Variants in RBFOX1 observed in about 807,000 individuals in gnomAD.
RBFOX1 encodes the protein RNA binding fox-1 homolog 1.
Under a neutral mutation model 57.7 loss-of-function variants are expected in RBFOX1, and 8 were observed. The observed-to-expected ratio is 0.14, with a 90% CI of 0.08 to 0.25. The LOEUF (loss-of-function observed/expected upper bound fraction) is 0.25, where lower values mean the gene tolerates loss of function less well. Among genes scored for constraint, RBFOX1 ranks in the 10% least tolerant of loss-of-function variants. RBFOX1 has a pLI of 1.00. For missense variants in RBFOX1, 611 were observed against 548.5 expected (o/e 1.11, Z -1.14); for synonymous variants, 326 against 222.4 (o/e 1.47, Z -4.15).
chr16:7,458,221 C>T (rs1419541293), intron 4 of RBFOX1, among the ~76,000 whole-genome samples: 3 of 152,154 alleles, frequency 2.0e-5, no homozygotes, highest in African/African-American at 7.2e-5. Context: ...CTCTCTGGAG[C>T]CCTAAGTGTG....
chr16:5,861,260 A>T lies in RBFOX1; in HGVS notation c.319-6043A>T, dbSNP rs1480254573. Among the ~76,000 whole-genome samples, 3 of 152,280 alleles carry T rather than the reference A, an allele frequency of 2.0e-5. No homozygotes were observed. The South Asian group carries it at 6.2e-4, about 32-fold the overall frequency. On this transcript the variant is annotated intron_variant, in intron 3 of 19. Transcript: ENST00000641259. ...AGAACCATCTTCTCCCCTTTGATAC[A>T]CGGTTGGCTACATGCTTACACCCCC...
intron 4 of RBFOX1, among the ~76,000 whole-genome samples, chr16:7,404,902 A>G (rs974669830): frequency 6.6e-6 from 1 of 151,814 alleles, no homozygotes; most frequent in African/African-American, 2.4e-5. Flanking sequence ...GGGTCAATGG[A>G]TTTTATTTCC....
chr16:6,212,600 G>C (rs2097305668), intron 1 of RBFOX1, among the ~76,000 whole-genome samples: 1 of 152,068 alleles, frequency 6.6e-6, no homozygotes, highest in Non-Finnish European at 1.5e-5. Context: ...CCAGCTACTT[G>C]GGAGGCTGAG....
chr16:7,124,305 T>C (rs551810781), intron 4 of RBFOX1, among the ~76,000 whole-genome samples: 6 of 152,130 alleles, frequency 3.9e-5, no homozygotes, highest in African/African-American at 1.2e-4. Context: ...TTCTAGCTAC[T>C]CAGGAGACTG....
chr16:6,479,537 G>A (rs2095336715), intron 2 of RBFOX1, among the ~76,000 whole-genome samples: 2 of 151,932 alleles, frequency 1.3e-5, no homozygotes, highest in Admixed American at 1.3e-4. Context: ...GCAGTGAGCT[G>A]AGATCATGCC....
At chr16:7,025,881 T>A (rs1042818530) in intron 3 of RBFOX1, among the ~76,000 whole-genome samples, 2 of 152,022 alleles carry the variant, frequency 1.3e-5, no homozygotes, top group Non-Finnish European at 2.9e-5. Context: ...ATGAGCTGCT[T>A]AATAGTACAG....
intron 3 of RBFOX1, among the ~76,000 whole-genome samples, chr16:5,809,077 A>G (rs1415427030): frequency 6.6e-6 from 1 of 152,200 alleles, no homozygotes; most frequent in Admixed American, 6.5e-5. Context: ...TGGGGAAAGG[A>G]TTCCCTACTT....
chr16:6,637,534 G>C, intron 2 of RBFOX1, among the ~76,000 whole-genome samples: 1 of 19,768 alleles, frequency 5.1e-5, no homozygotes, highest in East Asian at 2.8e-3. Flanking sequence ...ATTCTGTATA[G>C]TATATACAAT....
chr16:7,269,043 CAAAAAAA>C (rs56297510), intron 4 of RBFOX1, among the ~76,000 whole-genome samples: 41 of 52,294 alleles, frequency 7.8e-4, no homozygotes, highest in African/African-American at 2.0e-3. Context: ...TCTTCCATCT[CAAAAAAA>C]AAAAAAAAAA....
At chr16:6,789,546 C>G (rs1025675006) in intron 3 of RBFOX1, among the ~76,000 whole-genome samples, 2 of 152,176 alleles carry the variant, frequency 1.3e-5, no homozygotes, top group African/African-American at 4.8e-5. Flanking sequence ...CAAATTATTG[C>G]ACTCAATAGG....
intron 3 of RBFOX1, among the ~76,000 whole-genome samples, chr16:6,908,329 G>A (rs1478791171): frequency 1.3e-5 from 2 of 151,680 alleles, no homozygotes; most frequent in South Asian, 2.1e-4. Context: ...GGCCTGTCTT[G>A]TTCATCCAAG....
intron 4 of RBFOX1, among the ~76,000 whole-genome samples, chr16:7,276,793 C>G (rs959250653): frequency 1.3e-5 from 2 of 152,106 alleles, no homozygotes; most frequent in Admixed American, 1.3e-4. Flanking sequence ...ATTATGCTAC[C>G]AAAAATGTTC....
intron 2 of RBFOX1, among the ~76,000 whole-genome samples, chr16:6,493,541 T>C (rs1310886502): frequency 2.6e-5 from 4 of 152,208 alleles, no homozygotes; most frequent in African/African-American, 7.2e-5. Flanking sequence ...GCAAGCCACA[T>C]GAATAGCTGT....
intron 1 of RBFOX1, among the ~76,000 whole-genome samples, chr16:6,271,880 A>C (rs1160303760): frequency 6.6e-6 from 1 of 152,170 alleles, no homozygotes; most frequent in East Asian, 1.9e-4. Flanking sequence ...AGAATGAAGC[A>C]TTAACACCAA....
intron 3 of RBFOX1, among the ~76,000 whole-genome samples, chr16:6,827,233 A>T (rs974661119): frequency 6.6e-6 from 1 of 151,110 alleles, no homozygotes; most frequent in African/African-American, 2.4e-5. Flanking sequence ...CTTTAATCTC[A>T]TTTTCTCCTA....
chr16:7,281,611 C>T (rs919971537), intron 4 of RBFOX1, among the ~76,000 whole-genome samples: 2 of 152,080 alleles, frequency 1.3e-5, no homozygotes, highest in Admixed American at 1.3e-4. Context: ...AGAAAATACA[C>T]AGCATGTTCT....
chr16:6,672,895 G>A (rs1038326653), intron 3 of RBFOX1, among the ~76,000 whole-genome samples: 1 of 152,118 alleles, frequency 6.6e-6, no homozygotes, highest in East Asian at 1.9e-4. Flanking sequence ...GAGACCCATT[G>A]ACTAAACTGA....
At chr16:5,827,687 C>A (rs1202362745) in intron 3 of RBFOX1, among the ~76,000 whole-genome samples, 1 of 152,138 alleles carries the variant, frequency 6.6e-6, no homozygotes, top group Non-Finnish European at 1.5e-5. Context: ...TAGATGGCAA[C>A]CCCTGCTTTG....
rs896733928 is a variant in RBFOX1 at position 7,561,425 on chromosome 16, T to C, written c.271-18352T>C. ...CAGAGTATATTTCTTAGCATTTCCA[T>C]TTCCGAACATATATTTACTCTCCTT... On this transcript the variant is annotated intron_variant, in intron 5 of 15. Coordinates refer to ENST00000550418, the MANE Select transcript of RBFOX1 (RefSeq NM_018723.4). Among the ~76,000 whole-genome samples the C allele has an allele frequency of 3.3e-5, 5 of 152,224 alleles. No homozygotes were observed. The East Asian group carries it at 7.7e-4, about 23-fold the overall frequency.
Sources: gnomAD v4.1 joint callset for allele counts (sites outside exome capture counted in the v4.1 genomes callset) on GRCh38, gnomAD v4.1.1 for gene constraint, MANE v1.5 for transcripts, NCBI Gene and HGNC (gene_info 2026-07-23, HGNC 2026-07-21) for gene names.